PLXDC2: variants seen among roughly 807,000 people sequenced by gnomAD.
PLXDC2 encodes the protein plexin domain containing 2.
In PLXDC2, 40 loss-of-function variants were observed where a neutral mutation model predicts 68.9. That is an observed-to-expected ratio of 0.58 (90% CI 0.45 to 0.76). The LOEUF is 0.76. Among genes scored for constraint, PLXDC2 ranks in the 30% least tolerant of loss-of-function variants. The probability of loss-of-function intolerance (pLI) is 0.00; values close to 1 mark genes in which losing one functional copy is unlikely to be tolerated. For synonymous variants in PLXDC2, 243 were observed against 234.2 expected (o/e 1.04, Z -0.34); for missense variants, 644 against 661.9 (o/e 0.97, Z 0.30).
At chr10:19,847,692 A>G (rs1164815012) in intron 1 of PLXDC2, among the ~76,000 whole-genome samples, 1 of 152,116 alleles carries the variant, frequency 6.6e-6, no homozygotes, top group Non-Finnish European at 1.5e-5. Context: ...TCAGCCCAAT[A>G]CTTGTCATAG....
At chr10:20,140,405 A>ATATCTATCTATCTATC (rs71390760) in intron 4 of PLXDC2, among the ~76,000 whole-genome samples, 52 of 12,540 alleles carry the variant, frequency 4.1e-3, no homozygotes, top group South Asian at 0.01. Context: ...TATATATAAA[A>ATATCTATCTATCTATC]TATCTATCTA....
chr10:20,287,449 TCAGA>T lies in PLXDC2; in HGVS notation c.*7636_*7639del, dbSNP rs1420083108. 1 of 152,170 alleles carries T rather than the reference TCAGA, an allele frequency of 6.6e-6. No homozygotes were observed. Among genetic ancestry groups the T allele is most frequent in the African/African-American group, 2.4e-5 (1 of 41,446 alleles). 9.4% of individuals were successfully genotyped at this position (152,170 alleles called of 1,614,324 possible). On this transcript the variant is annotated 3_prime_UTR_variant, in exon 14 of 14. Coordinates refer to ENST00000377252, the MANE Select transcript of PLXDC2 (RefSeq NM_032812.9). ...CTCTGAGATTTGACCATCTCAGGACTCAGACAGACTCCAGTGCTATTTTCTGGAC... is the reference window on the plus strand; with the variant it reads ...CTCTGAGATTTGACCATCTCAGGACTCAGACTCCAGTGCTATTTTCTGGAC...
chr10:19,819,358 G>A (rs531205914), intron 1 of PLXDC2, among the ~76,000 whole-genome samples: 1 of 152,242 alleles, frequency 6.6e-6, no homozygotes, highest in South Asian at 2.1e-4. Flanking sequence ...TCATTTACAT[G>A]TAGTTTTATG....
At chr10:19,836,232 C>A (rs2131313592) in intron 1 of PLXDC2, among the ~76,000 whole-genome samples, 1 of 151,852 alleles carries the variant, frequency 6.6e-6, no homozygotes. Context: ...GAGGGAGTGG[C>A]CAGAGGGGAA....
chr10:20,284,312 C>CATATATATATATAT lies in PLXDC2; in HGVS notation c.*4499_*4512dup, dbSNP rs747835988. On this transcript the variant is annotated 3_prime_UTR_variant, in exon 14 of 14. Transcript: ENST00000377252. ...GTGAGACCCATCTCTATCAAATATACATATATATATATATATATACACACA... is the reference window on the plus strand; with the variant it reads ...GTGAGACCCATCTCTATCAAATATACATATATATATATATATATATATATATATATATACACACA... 7.4e-4 allele frequency: 93 copies of CATATATATATATAT among 125,278 alleles called. No homozygotes were observed. Among genetic ancestry groups the CATATATATATATAT allele is most frequent in the African/African-American group, 2.4e-3 (76 of 31,460 alleles). 7.8% of individuals were successfully genotyped at this position (125,278 alleles called of 1,614,324 possible).
chr10:20,126,898 T>C (rs1833799997), intron 4 of PLXDC2, among the ~76,000 whole-genome samples: 1 of 147,892 alleles, frequency 6.8e-6, no homozygotes, highest in African/African-American at 2.5e-5. Context: ...CTATATAATA[T>C]ATGTATATAT....
chr10:20,169,659 C>CGAGCTTAAT (rs1834420722), intron 7 of PLXDC2, among the ~76,000 whole-genome samples: 1 of 152,250 alleles, frequency 6.6e-6, no homozygotes, highest in Admixed American at 6.5e-5. Flanking sequence ...CTCTACTTTC[C>CGAGCTTAAT]GAGCTTAATG....
At chr10:19,945,618 G>A (rs866288323) in intron 1 of PLXDC2, among the ~76,000 whole-genome samples, 1 of 152,132 alleles carries the variant, frequency 6.6e-6, no homozygotes, top group Non-Finnish European at 1.5e-5. Context: ...AGAGTGGTTT[G>A]TTATGTGACC....
At chr10:19,992,284 A>G (rs545374307) in intron 1 of PLXDC2, among the ~76,000 whole-genome samples, 113 of 152,312 alleles carry the variant, frequency 7.4e-4, no homozygotes, top group Non-Finnish European at 1.5e-3. Flanking sequence ...CATTTCACCA[A>G]TGGTGGGAAG....
Position 20,078,651 on chromosome 10 carries a change from GTTTA to G in PLXDC2, c.541+10414_541+10417del, listed in dbSNP as rs201034794. Among the ~76,000 whole-genome samples the G allele has an allele frequency of 9.9e-5, 15 of 152,266 alleles. No homozygotes were observed. In the East Asian group the frequency reaches 2.9e-3, roughly 29 times the overall value. On this transcript the variant is annotated intron_variant, in intron 4 of 13. Coordinates refer to ENST00000377252, the MANE Select transcript of PLXDC2 (RefSeq NM_032812.9). Reference sequence around the variant, plus strand: ...GATTGCTTTGAAATGATGACATTGTGTTTATGTTTCTATTCCCTAGTTTCCAAGT... The same window carrying G: ...GATTGCTTTGAAATGATGACATTGTGTGTTTCTATTCCCTAGTTTCCAAGT...
chr10:19,885,829 C>A (rs1323003720), intron 1 of PLXDC2, among the ~76,000 whole-genome samples: 1 of 152,040 alleles, frequency 6.6e-6, no homozygotes, highest in African/African-American at 2.4e-5. Context: ...ATTGACTTGG[C>A]GATGCAGGCT....
intron 2 of PLXDC2, among the ~76,000 whole-genome samples, chr10:20,018,354 T>C (rs1026003395): frequency 2.0e-5 from 3 of 152,212 alleles, no homozygotes; most frequent in African/African-American, 7.2e-5. Context: ...TATTCCAGAC[T>C]TCTTCTCTAC....
chr10:20,044,221 CTT>C (rs1305886977), intron 2 of PLXDC2, among the ~76,000 whole-genome samples: 1 of 27,582 alleles, frequency 3.6e-5, no homozygotes, highest in Admixed American at 4.3e-4. Flanking sequence ...GTCTTTCTTT[CTT>C]TCTTTCTTTC....
At chr10:20,269,024 T>C (rs1001738456) in intron 13 of PLXDC2, among the ~76,000 whole-genome samples, 5 of 152,200 alleles carry the variant, frequency 3.3e-5, no homozygotes, top group African/African-American at 1.2e-4. Context: ...TGAAGAAGAT[T>C]AGAATATTCT....
intron 1 of PLXDC2, among the ~76,000 whole-genome samples, chr10:19,904,129 A>C (rs1279648523): frequency 1.3e-5 from 2 of 152,044 alleles, no homozygotes; most frequent in East Asian, 1.9e-4. Flanking sequence ...AGAATGTTCC[A>C]TGTGCTGATG....
chr10:19,974,686 T>G (rs952911918), intron 1 of PLXDC2, among the ~76,000 whole-genome samples: 4 of 152,214 alleles, frequency 2.6e-5, no homozygotes, highest in Admixed American at 2.0e-4. Context: ...TAGCCACTTA[T>G]AAACGCTGTA....
chr10:20,072,861 A>G (rs1836359818), intron 4 of PLXDC2, among the ~76,000 whole-genome samples: 1 of 152,216 alleles, frequency 6.6e-6, no homozygotes, highest in Non-Finnish European at 1.5e-5. Context: ...GAACAGCTTC[A>G]AGGACTTCTG....
At chr10:19,962,323 GA>G (rs1238344771) in intron 1 of PLXDC2, among the ~76,000 whole-genome samples, 31 of 111,866 alleles carry the variant, frequency 2.8e-4, no homozygotes, top group Non-Finnish European at 4.9e-4. Flanking sequence ...AAAATGTGAT[GA>G]AAAGGAGGTT....
chr10:19,830,122 G>A (rs1452674260), intron 1 of PLXDC2, among the ~76,000 whole-genome samples: 2 of 152,188 alleles, frequency 1.3e-5, no homozygotes, highest in Admixed American at 1.3e-4. Flanking sequence ...ATAGAAATTA[G>A]AGATAGAGCC....
Sources: allele counts gnomAD v4.1 joint callset (sites outside exome capture counted in the v4.1 genomes callset), GRCh38; gene constraint gnomAD v4.1.1; transcripts MANE v1.5; gene names NCBI Gene and HGNC (gene_info 2026-07-23, HGNC 2026-07-21).